The following SPMAP2L variants were observed in gnomAD, a reference collection of about 807,000 sequenced individuals.
SPMAP2L encodes sperm microtubule associated protein 2-like.
At chr4:56,599,369 A>G in the SPMAP2L span, among the ~76,000 whole-genome samples, 11 of 152,054 alleles carry the variant, frequency 7.2e-5, no homozygotes, top group East Asian at 1.9e-3. Context: ...GCTCAAAATT[A>G]TTATTTTTTA....
At chr4:56,543,738 A>G in the SPMAP2L span, among the ~76,000 whole-genome samples, 1 of 152,102 alleles carries the variant, frequency 6.6e-6, no homozygotes. Flanking sequence ...TTAGAACAAC[A>G]CCTAGCATTT....
At chr4:56,562,302 T>C in the SPMAP2L span, among the ~76,000 whole-genome samples, 2 of 152,086 alleles carry the variant, frequency 1.3e-5, no homozygotes, top group Non-Finnish European at 2.9e-5. Flanking sequence ...TTTCCTATGA[T>C]TTCTTCCAGA....
chr4:56,538,829 A>T, the SPMAP2L span, among the ~76,000 whole-genome samples: 1 of 152,056 alleles, frequency 6.6e-6, no homozygotes, highest in African/African-American at 2.4e-5. Flanking sequence ...AGAAAAGACT[A>T]CTTTAAAGCC....
chr4:56,591,961 G>C, the SPMAP2L span, among the ~76,000 whole-genome samples: 13 of 152,134 alleles, frequency 8.5e-5, no homozygotes, highest in African/African-American at 3.1e-4. Context: ...ACAAAGCTAA[G>C]TCACCCTTTA....
chr4:56,549,557 A>C, the SPMAP2L span, among the ~76,000 whole-genome samples: 147,299 of 152,250 alleles, frequency 0.97, 71,360 homozygotes, highest in African/African-American at 0.99. Context: ...CAATAAATGC[A>C]TCCTGAATAC....
chr4:56,598,800 C>A, the SPMAP2L span, among the ~76,000 whole-genome samples: 2 of 152,006 alleles, frequency 1.3e-5, no homozygotes, highest in Admixed American at 6.6e-5. Context: ...TGTGTCCCCA[C>A]TCAAATCTCA....
the SPMAP2L span, among the ~76,000 whole-genome samples, chr4:56,607,615 G>A: frequency 1.3e-5 from 2 of 152,146 alleles, no homozygotes; most frequent in Non-Finnish European, 2.9e-5. Context: ...TTTCTGGTGA[G>A]AACTCAGAAG....
chr4:56,566,853 C>A, the SPMAP2L span, among the ~76,000 whole-genome samples: 1 of 151,800 alleles, frequency 6.6e-6, no homozygotes, highest in South Asian at 2.1e-4. Flanking sequence ...TGCGCAACCA[C>A]GTCCAGCTAA....
the SPMAP2L span, chr4:56,552,414 C>T: frequency 1.6e-6 from 1 of 613,584 alleles, no homozygotes. Context: ...TTGAGCCTTT[C>T]AGCACTCTTC....
At chr4:56,536,806 C>T in the SPMAP2L span, among the ~76,000 whole-genome samples, 2 of 152,086 alleles carry the variant, frequency 1.3e-5, no homozygotes, top group Non-Finnish European at 2.9e-5. Context: ...CTGTGTTTCC[C>T]AGGCTGGAGT....
At chr4:56,612,088 T>C in the SPMAP2L span, among the ~76,000 whole-genome samples, 2 of 152,180 alleles carry the variant, frequency 1.3e-5, no homozygotes, top group Non-Finnish European at 2.9e-5. Flanking sequence ...TAGGGGACAC[T>C]GTGTGAGGAC....
chr4:56,624,493 G>A, the SPMAP2L span, among the ~76,000 whole-genome samples: 2 of 152,148 alleles, frequency 1.3e-5, no homozygotes, highest in African/African-American at 4.8e-5. Flanking sequence ...GACCTTCATG[G>A]CAGCCCCTCC....
the SPMAP2L span, chr4:56,530,686 C>T: frequency 6.5e-7 from 1 of 1,534,536 alleles, no homozygotes; most frequent in East Asian, 2.4e-5. Context: ...AATGGAGAAC[C>T]AAGAGTTTCT....
At chr4:56,614,804 C>T in the SPMAP2L span, among the ~76,000 whole-genome samples, 3 of 152,160 alleles carry the variant, frequency 2.0e-5, no homozygotes, top group African/African-American at 7.2e-5. Context: ...AACCCTATCT[C>T]ACTTGCCAGT....
the SPMAP2L span, among the ~76,000 whole-genome samples, chr4:56,535,156 T>G: frequency 2.6e-5 from 4 of 152,216 alleles, no homozygotes; most frequent in African/African-American, 7.2e-5. Context: ...TTGAGCTATA[T>G]CCTGACTATG....
At chr4:56,611,600 A>T in the SPMAP2L span, among the ~76,000 whole-genome samples, 2 of 152,202 alleles carry the variant, frequency 1.3e-5, no homozygotes, top group Non-Finnish European at 2.9e-5. Flanking sequence ...TAAAAAAGGA[A>T]AAAGAGTCAG....
the SPMAP2L span, among the ~76,000 whole-genome samples, chr4:56,576,145 C>G: frequency 2.6e-5 from 4 of 152,154 alleles, no homozygotes; most frequent in Non-Finnish European, 5.9e-5. Context: ...GATAGTGCTA[C>G]TGTGTGCTAC....
chr4:56,589,586 G>A, the SPMAP2L span, among the ~76,000 whole-genome samples: 1 of 152,002 alleles, frequency 6.6e-6, no homozygotes, highest in African/African-American at 2.4e-5. Flanking sequence ...GTTTCCATTT[G>A]TTTGTGTCAT....
chr4:56,592,979 G>A, the SPMAP2L span: 6 of 1,604,304 alleles, frequency 3.7e-6, no homozygotes, highest in Non-Finnish European at 5.1e-6. Context: ...CTTGAAAATG[G>A]AAGACCCTGT....
Sources: allele counts gnomAD v4.1 joint callset (sites outside exome capture counted in the v4.1 genomes callset), GRCh38; gene constraint gnomAD v4.1.1; transcripts MANE v1.5; gene names NCBI Gene and HGNC (gene_info 2026-07-23, HGNC 2026-07-21).